The following LRRC34 variants were observed in gnomAD, a reference collection of about 807,000 sequenced individuals.
LRRC34 encodes leucine-rich repeat-containing protein 34.
Under a neutral mutation model 48.5 loss-of-function variants are expected in LRRC34, and 44 were observed. That is an observed-to-expected ratio of 0.91 (90% CI 0.71 to 1.17). LRRC34 has a LOEUF of 1.17. Among genes scored for constraint, LRRC34 ranks in the 50% most tolerant of loss-of-function variants. The probability of loss-of-function intolerance (pLI) is 0.00; values close to 1 mark genes in which losing one functional copy is unlikely to be tolerated. For synonymous variants in LRRC34, 192 were observed against 197.6 expected, an observed-to-expected ratio of 0.97 and a Z score of 0.24; for missense variants, 502 against 563.0, an observed-to-expected ratio of 0.89 and a Z score of 1.10.
chr3:169,808,874 CAG>C (rs1412936703), intron 1 of LRRC34, 129 bp from the exon 2 acceptor site: 2 of 576,742 alleles, frequency 3.5e-6, no homozygotes, highest in African/African-American at 4.0e-5. Flanking sequence ...GAAAAGGAAA[CAG>C]AATTAAGGTT....
intron 6 of LRRC34, among the ~76,000 whole-genome samples, chr3:169,803,707 T>C (rs1341533829): frequency 1.3e-5 from 2 of 152,218 alleles, no homozygotes; most frequent in Non-Finnish European, 2.9e-5. Context: ...GCTGGGATTA[T>C]AGGCGTGAGC....
At position 169,793,834 on chromosome 3, in the gene LRRC34, T is replaced by C; in HGVS notation, c.1196A>G (p.Tyr399Cys). 1 of 1,604,268 alleles carries C rather than the reference T, an allele frequency of 6.2e-7. No individual in the cohort carries two copies. Among genetic ancestry groups the C allele is most frequent in the Non-Finnish European group, 8.5e-7 (1 of 1,176,548 alleles). Residue 399 changes from tyrosine to cysteine, a missense_variant, in exon 11 of 11, where the codon TAT becomes TGT. Coordinates refer to ENST00000446859, the MANE Select transcript of LRRC34 (RefSeq NM_001172779.2). ...NKFDEATCIA[Y>C]SDLIQMGCLK... ...ACAACCCATTTGAATTAAGTCTGAA[T>C]ATGCCTAGGATTTTTAGGAAAAAAA...
intron 4 of LRRC34, 79 bp downstream of exon 4, chr3:169,807,347 T>C: frequency 7.8e-7 from 1 of 1,287,156 alleles, no homozygotes; most frequent in Non-Finnish European, 1.1e-6. Flanking sequence ...CAGGTAAAAC[T>C]AGTGTTTTAT....
rs954737782 is a variant in LRRC34 at position 169,793,493 on chromosome 3, T to C, written c.*142A>G. 9.9e-6 allele frequency: 6 copies of C among 607,772 alleles called. No homozygotes were observed. The highest frequency in any genetic ancestry group is 7.1e-5 in the Admixed American group (2 of 28,228). The allele number at this position is 607,772 out of a possible 1,614,324, so 37.6% of individuals were successfully genotyped here. ...CTCAGTTTTTCACAATAGACAGTTA[T>C]ACAAAGTTTAATACAGTCATTATCT... On this transcript the variant is annotated 3_prime_UTR_variant, in exon 11 of 11. Transcript: ENST00000446859.
intron 6 of LRRC34, among the ~76,000 whole-genome samples, chr3:169,801,123 C>T (rs1005597463): frequency 2.6e-5 from 4 of 152,126 alleles, no homozygotes; most frequent in Non-Finnish European, 5.9e-5. Context: ...CATACTAGTA[C>T]TTTTAAGTGT....
Position 169,804,072 on chromosome 3 carries a change from T to C in LRRC34, c.638A>G (p.Asp213Gly), listed in dbSNP as rs1257604552. Reference protein sequence around the residue: ...LQINSSLEKLDLGDCDLGMQS... With the variant: ...LQINSSLEKLGLGDCDLGMQS... ...ACTCACCAGATCACAGTCACCCAGA[T>C]CTAATTTCTCTAATGATGAATTAAT... The change falls in exon 6 of 11, where the codon GAT becomes GGT. Residue 213 changes from aspartate to glycine, a missense_variant. Physicochemically the swap from Asp to Gly is moderately conservative, Grantham distance 94 (BLOSUM62 -1). Coordinates refer to ENST00000446859, the MANE Select transcript of LRRC34 (RefSeq NM_001172779.2). 6.3e-7 allele frequency: 1 copy of C among 1,591,832 alleles called. No homozygotes were observed. The highest frequency in any genetic ancestry group is 2.3e-5 in the East Asian group (1 of 44,108).
intron 6 of LRRC34, among the ~76,000 whole-genome samples, chr3:169,803,329 C>T (rs1459075783): frequency 6.6e-6 from 1 of 152,216 alleles, no homozygotes; most frequent in African/African-American, 2.4e-5. Flanking sequence ...ATTCTCCCAC[C>T]TCAGCCTCCT....
intron 1 of LRRC34, among the ~76,000 whole-genome samples, chr3:169,811,253 AG>A (rs1479893314): frequency 6.6e-6 from 1 of 152,204 alleles, no homozygotes; most frequent in Non-Finnish European, 1.5e-5. Context: ...AGAATCTCCG[AG>A]GGCACAGAAA....
intron 1 of LRRC34, among the ~76,000 whole-genome samples, chr3:169,811,760 G>T (rs2108254484): frequency 6.6e-6 from 1 of 152,274 alleles, no homozygotes; most frequent in African/African-American, 2.4e-5. Flanking sequence ...GTGTACATTT[G>T]AACAAGTTGT....
In LRRC34 at chr3:169,812,822, A is replaced by C; in HGVS notation, c.-274T>G. 2.3e-6 allele frequency: 1 copy of C among 444,138 alleles called. No individual in the cohort carries two copies. Among genetic ancestry groups the C allele is most frequent in the Non-Finnish European group, 4.0e-6 (1 of 252,564 alleles). The allele number at this position is 444,138 out of a possible 1,614,324, so 27.5% of individuals were successfully genotyped here. On this transcript the variant is annotated 5_prime_UTR_variant, in exon 1 of 11. Transcript: ENST00000446859. The surrounding 1 kb of genome is among the most constrained non-coding windows in gnomAD (Gnocchi z 4.3). ...TAGGGCTGGGGCTACAAAGAAGATT[A>C]TGACAAAGCCCGCTCCTACAAAGTG...
rs547360001 is a variant in LRRC34 at position 169,796,873 on chromosome 3, G to A, written c.780C>T (p.Arg260=). The A allele has an allele frequency of 5.2e-5, 83 of 1,606,946 alleles. No homozygotes were observed. The South Asian group carries it at 8.8e-4, about 17-fold the overall frequency. Residue 260 remains arginine, a synonymous_variant, in exon 8 of 11, where the codon CGC becomes CGT. Coordinates refer to ENST00000446859, the MANE Select transcript of LRRC34 (RefSeq NM_001172779.2). The part of the protein sequence containing the change: ...EQEESTVHVG[R]MLKENHCLVA... The stretch of plus-strand genomic sequence containing the variant: ...CAAGACAGTGATTTTCTTTCAACAT[G>A]CGGCCTACATGGACTGTAGACTCTT...
intron 7 of LRRC34, 142 bp from the exon 8 acceptor site, chr3:169,797,041 G>T (rs1020806874): frequency 3.6e-6 from 2 of 554,568 alleles, no homozygotes; most frequent in African/African-American, 2.0e-5. Context: ...CATTTGTTTG[G>T]TCTATCTTTA....
chr3:169,812,647 G>A lies in LRRC34; in HGVS notation c.-99C>T. ...CGAGTCCCGCTGGCTGTGCCTGCCCGGGCCCTGAGGCCTCACTGCTAAGGC... is the reference window on the plus strand; with the variant it reads ...CGAGTCCCGCTGGCTGTGCCTGCCCAGGCCCTGAGGCCTCACTGCTAAGGC... On this transcript the variant is annotated 5_prime_UTR_variant, in exon 1 of 11. Transcript: ENST00000446859. The surrounding 1 kb of genome is among the most constrained non-coding windows in gnomAD (Gnocchi z 4.3). 1.4e-6 allele frequency: 2 copies of A among 1,387,834 alleles called. No individual in the cohort carries two copies. Among genetic ancestry groups the A allele is most frequent in the Admixed American group, 3.3e-5 (1 of 30,716 alleles). The allele number at this position is 1,387,834 out of a possible 1,614,324, so 86.0% of individuals were successfully genotyped here.
At chr3:169,802,349 G>A (rs1397687570) in intron 6 of LRRC34, among the ~76,000 whole-genome samples, 2 of 152,042 alleles carry the variant, frequency 1.3e-5, no homozygotes, top group Non-Finnish European at 2.9e-5. Flanking sequence ...TGCTCTGCCT[G>A]GAAGGTTCTG....
chr3:169,809,219 T>C lies in LRRC34; in HGVS notation c.140-474A>G, dbSNP rs537226936. Among the ~76,000 whole-genome samples the C allele has an allele frequency of 5.2e-3, 752 of 144,816 alleles. 4 individuals carry two copies. Among genetic ancestry groups the C allele is most frequent in the Middle Eastern group, 6.9e-3 (2 of 288 alleles). On this transcript the variant is annotated intron_variant, in intron 1 of 10. Coordinates refer to ENST00000446859, the MANE Select transcript of LRRC34 (RefSeq NM_001172779.2). ...GGTTTCTTTTTTTTTTTTTTTTTTT[T>C]CAACTCAGTATCTCAGCATCCACGA...
Position 169,795,491 on chromosome 3 carries a change from C to T in LRRC34, c.1185G>A (p.Thr395=), listed in dbSNP as rs780422826. 4.3e-6 allele frequency: 7 copies of T among 1,610,968 alleles called. No individual in the cohort carries two copies. The Admixed American group carries it at 5.0e-5, about 12-fold the overall frequency. Residue 395 remains threonine (T), a synonymous_variant, in exon 10 of 11, where the codon ACG becomes ACA. Transcript: ENST00000446859. ...GAAAAAACTTAAAACTTACTATACACGTAGCCTCATCAAATTTGTTTCCCC... is the reference window on the plus strand; with the variant it reads ...GAAAAAACTTAAAACTTACTATACATGTAGCCTCATCAAATTTGTTTCCCC... The part of the protein sequence containing the change: ...YIWGNKFDEA[T]CIAYSDLIQM...
chr3:169,798,335 C>T (rs1779068371), intron 7 of LRRC34, among the ~76,000 whole-genome samples: 2 of 152,162 alleles, frequency 1.3e-5, no homozygotes, highest in Non-Finnish European at 2.9e-5. Context: ...TCTAGAGTGG[C>T]ACCTGGCATC....
At chr3:169,796,021 T>C (rs1778973624) in intron 9 of LRRC34, 193 bp downstream of exon 9, 19 of 1,264,122 alleles carry the variant, frequency 1.5e-5, no homozygotes, top group Non-Finnish European at 1.8e-5. Flanking sequence ...GAATCGTTAA[T>C]AGAATCAGTC....
intron 5 of LRRC34, among the ~76,000 whole-genome samples, chr3:169,806,036 C>T (rs1779360104): frequency 6.6e-6 from 1 of 152,026 alleles, no homozygotes; most frequent in South Asian, 2.1e-4. Context: ...AAACCTACTA[C>T]AAAGCTATAG....
Sources: gnomAD v4.1 joint callset for allele counts (sites outside exome capture counted in the v4.1 genomes callset) on GRCh38, gnomAD v4.1.1 for gene constraint, Gnocchi (gnomAD v3.1) non-coding constraint, MANE v1.5 for transcripts, NCBI Gene and HGNC (gene_info 2026-07-23, HGNC 2026-07-21) for gene names.